The following CSMD1 variants were observed in gnomAD, a reference collection of about 807,000 sequenced individuals.
CSMD1 encodes CUB and Sushi multiple domains 1, also known as CUB and sushi domain-containing protein 1.
CSMD1 carries 213 observed loss-of-function variants against 417.5 expected under a neutral mutation model. The ratio of observed to expected loss-of-function variants is 0.51; its 90% CI spans 0.46 to 0.57. The LOEUF (loss-of-function observed/expected upper bound fraction) is 0.57. CSMD1 is among the 20% of genes least tolerant of loss of function. CSMD1 has a pLI of 0.00. For synonymous variants in CSMD1, 2,862 were observed against 1,736.8 expected, an observed-to-expected ratio of 1.65 and a Z score of -16.11; for missense variants, 6,923 against 4,529.7, an observed-to-expected ratio of 1.53 and a Z score of -15.17.
intron 6 of CSMD1, among the ~76,000 whole-genome samples, chr8:3,740,461 C>G (rs567625797): frequency 6.6e-6 from 1 of 152,168 alleles, no homozygotes; most frequent in African/African-American, 2.4e-5. Flanking sequence ...TGCAGGAGAA[C>G]TCAGAAGTGG....
rs79509551 is a variant in CSMD1 at position 3,704,347 on chromosome 8, G to T, written c.1009+4067C>A. Among the ~76,000 whole-genome samples, 400 of 152,218 alleles carry T rather than the reference G, an allele frequency of 2.6e-3. 9 individuals carry two copies. The East Asian group carries it at 0.065, about 25-fold the overall frequency. On this transcript the variant is annotated intron_variant, in intron 7 of 69. Transcript: ENST00000635120. Reference sequence around the variant, plus strand: ...AGGAAAAATTTCCTCCCTTTTTCAGGCATATACCCAGTGGGCTCCATAGGA... The same window carrying T: ...AGGAAAAATTTCCTCCCTTTTTCAGTCATATACCCAGTGGGCTCCATAGGA...
chr8:4,928,489 G>C (rs1239647813), intron 1 of CSMD1, among the ~76,000 whole-genome samples: 4 of 152,284 alleles, frequency 2.6e-5, no homozygotes, highest in East Asian at 3.9e-4. Flanking sequence ...AAATAATTAT[G>C]TGAGCCTGAG....
At chr8:3,670,550 CAT>C (rs1261184042) in intron 7 of CSMD1, among the ~76,000 whole-genome samples, 2 of 110,220 alleles carry the variant, frequency 1.8e-5, no homozygotes, top group Admixed American at 9.1e-5. Flanking sequence ...ACATATATCC[CAT>C]ATATATATGC....
chr8:4,345,433 G>T (rs1274714170), intron 3 of CSMD1, among the ~76,000 whole-genome samples: 2 of 151,928 alleles, frequency 1.3e-5, no homozygotes, highest in Non-Finnish European at 2.9e-5. Context: ...ATCAAATCAG[G>T]ATAAAGAAGA....
chr8:4,210,763 C>T (rs1212945259), intron 3 of CSMD1, among the ~76,000 whole-genome samples: 1 of 152,124 alleles, frequency 6.6e-6, no homozygotes, highest in Non-Finnish European at 1.5e-5. Flanking sequence ...TATGAAAGAT[C>T]TTTTGAATTC....
At chr8:3,195,868 T>C (rs1415218997) in intron 33 of CSMD1, among the ~76,000 whole-genome samples, 1 of 152,216 alleles carries the variant, frequency 6.6e-6, no homozygotes, top group East Asian at 1.9e-4. Flanking sequence ...GGAAAAAATG[T>C]AGTCATGGTT....
chr8:3,956,548 T>TA (rs757841892), intron 5 of CSMD1, among the ~76,000 whole-genome samples: 15 of 152,232 alleles, frequency 9.9e-5, no homozygotes, highest in Non-Finnish European at 2.1e-4. Flanking sequence ...GGCTACTTTT[T>TA]ATCAAATACT....
intron 19 of CSMD1, 68 bp from the exon 20 acceptor site, chr8:3,367,315 G>A: frequency 1.9e-5 from 19 of 1,023,234 alleles, no homozygotes; most frequent in Non-Finnish European, 2.7e-5. Context: ...GGGGCAGAGA[G>A]GGAGCGGGGC....
intron 2 of CSMD1, among the ~76,000 whole-genome samples, chr8:4,516,480 G>A (rs1188879902): frequency 3.3e-5 from 5 of 152,142 alleles, no homozygotes; most frequent in Non-Finnish European, 2.9e-5. Context: ...GACAACGGCT[G>A]GACCCCGGGC....
intron 12 of CSMD1, among the ~76,000 whole-genome samples, chr8:3,440,392 A>T (rs1417397399): frequency 6.6e-6 from 1 of 152,140 alleles, no homozygotes; most frequent in Non-Finnish European, 1.5e-5. Context: ...TCCACATATT[A>T]CATTGTTTTG....
chr8:4,775,194 TA>T (rs1332237878), intron 1 of CSMD1, among the ~76,000 whole-genome samples: 11 of 152,198 alleles, frequency 7.2e-5, no homozygotes, highest in African/African-American at 2.7e-4. Flanking sequence ...AGAATTTGAT[TA>T]TTTTTTTCTG....
At chr8:4,110,848 G>T (rs767241487) in intron 3 of CSMD1, among the ~76,000 whole-genome samples, 10 of 151,680 alleles carry the variant, frequency 6.6e-5, no homozygotes, top group Non-Finnish European at 1.5e-4. Flanking sequence ...AAGGAAATCA[G>T]AGACTTTTTT....
chr8:3,301,960 T>C (rs946923195), intron 25 of CSMD1, among the ~76,000 whole-genome samples: 1 of 152,140 alleles, frequency 6.6e-6, no homozygotes, highest in Non-Finnish European at 1.5e-5. Context: ...GTGTCTCGTC[T>C]AAAGAAATCT....
chr8:4,484,568 C>A (rs1801268878), intron 2 of CSMD1, among the ~76,000 whole-genome samples: 1 of 152,114 alleles, frequency 6.6e-6, no homozygotes, highest in Admixed American at 6.6e-5. Flanking sequence ...TACACAGATT[C>A]ATCACTCGCT....
chr8:4,012,659 T>C (rs541908670), intron 4 of CSMD1, among the ~76,000 whole-genome samples: 1 of 152,294 alleles, frequency 6.6e-6, no homozygotes, highest in African/African-American at 2.4e-5. Context: ...CATGAATGTC[T>C]CCTGAATTCC....
intron 12 of CSMD1, among the ~76,000 whole-genome samples, chr8:3,429,493 C>T (rs370960158): frequency 5.3e-5 from 8 of 152,206 alleles, no homozygotes; most frequent in East Asian, 1.9e-4. Context: ...CATTCTTAAA[C>T]GCCCCTGCAG....
chr8:3,317,837 G>T (rs750530567), intron 23 of CSMD1, among the ~76,000 whole-genome samples: 2 of 152,132 alleles, frequency 1.3e-5, no homozygotes, highest in African/African-American at 2.4e-5. Context: ...TTGAGACAAG[G>T]TCTTGCTCTG....
At chr8:3,113,040 C>G (rs1308091293) in intron 42 of CSMD1, 1 of 152,246 alleles carries the variant, frequency 6.6e-6, no homozygotes, top group Non-Finnish European at 1.5e-5. Context: ...TCACTGAGCT[C>G]CGCAGAGACG....
intron 1 of CSMD1, among the ~76,000 whole-genome samples, chr8:4,758,091 T>G (rs532345025): frequency 1.1e-4 from 17 of 152,128 alleles, no homozygotes; most frequent in Non-Finnish European, 1.9e-4. Flanking sequence ...GGTGAGAAAT[T>G]TCCACTGAAA....
Sources: gnomAD v4.1 joint callset for allele counts (sites outside exome capture counted in the v4.1 genomes callset) on GRCh38, gnomAD v4.1.1 for gene constraint, MANE v1.5 for transcripts, NCBI Gene and HGNC (gene_info 2026-07-23, HGNC 2026-07-21) for gene names.